The following ATP10D variants were observed in gnomAD, a reference collection of about 807,000 sequenced individuals.
ATP10D encodes ATPase phospholipid transporting 10D (putative), also known as phospholipid-transporting ATPase VD.
ATP10D carries 89 observed loss-of-function variants against 144.8 expected under a neutral mutation model. The ratio of observed to expected loss-of-function variants is 0.61; its 90% CI spans 0.52 to 0.73. ATP10D has a LOEUF of 0.73. Among genes scored for constraint, ATP10D ranks in the 30% least tolerant of loss-of-function variants. The pLI, the probability that ATP10D is intolerant of heterozygous loss-of-function variation, is 0.00. For synonymous variants in ATP10D, 571 were observed against 615.1 expected, an observed-to-expected ratio of 0.93 and a Z score of 1.06; for missense variants, 1,603 against 1,714.8, an observed-to-expected ratio of 0.93 and a Z score of 1.15.
chr4:47,549,235 C>A (rs1718601663), intron 10 of ATP10D, among the ~76,000 whole-genome samples: 1 of 152,238 alleles, frequency 6.6e-6, no homozygotes, highest in African/African-American at 2.4e-5. Flanking sequence ...ATGCTCTTCT[C>A]TTAGATCTTT....
At chr4:47,541,828 TC>T (rs1445767570) in intron 9 of ATP10D, among the ~76,000 whole-genome samples, 1 of 152,084 alleles carries the variant, frequency 6.6e-6, no homozygotes, top group Admixed American at 6.5e-5. Context: ...AAAAGACAGA[TC>T]GGGGATTAAA....
At chr4:47,582,651 T>C (rs1720579106) in intron 21 of ATP10D, among the ~76,000 whole-genome samples, 1 of 152,174 alleles carries the variant, frequency 6.6e-6, no homozygotes, top group Non-Finnish European at 1.5e-5. Flanking sequence ...CACATCAGGA[T>C]CTTGGCACTT....
chr4:47,533,411 G>A (rs1717671547), intron 5 of ATP10D, among the ~76,000 whole-genome samples: 1 of 152,112 alleles, frequency 6.6e-6, no homozygotes, highest in African/African-American at 2.4e-5. Context: ...AGAAGAAAGT[G>A]CTTTACAATG....
chr4:47,533,541 A>T (rs987414942), intron 5 of ATP10D, among the ~76,000 whole-genome samples: 4 of 152,158 alleles, frequency 2.6e-5, no homozygotes, highest in Non-Finnish European at 5.9e-5. Flanking sequence ...AACAACTTTT[A>T]TATATGTAAG....
chr4:47,531,584 G>A (rs9999398), intron 5 of ATP10D, among the ~76,000 whole-genome samples: 47,029 of 152,092 alleles, frequency 0.31, 7,800 homozygotes, highest in African/African-American at 0.4. Flanking sequence ...TATTAGAAAA[G>A]TCCTTCCATG....
intron 3 of ATP10D, among the ~76,000 whole-genome samples, chr4:47,516,974 T>G (rs1397900602): frequency 2.0e-5 from 3 of 152,164 alleles, no homozygotes; most frequent in Non-Finnish European, 4.4e-5. Flanking sequence ...CCTCAAAAAA[T>G]AGCTATAAGA....
rs1359279094 is a variant in ATP10D at position 47,536,010 on chromosome 4, T to C, written c.992T>C (p.Ile331Thr). The change falls in exon 7 of 23, where the codon ATA becomes ACA. Residue 331 changes from isoleucine to threonine, a missense_variant. Transcript: ENST00000273859. ...DVLWCVMLLV[I>T]MCLTGAVGHG... ...CTCTGGTGTGTCATGCTTCTGGTCA[T>C]AATGTGCTTAACTGGCGCAGTAGGT... 1.2e-6 allele frequency: 2 copies of C among 1,612,358 alleles called. No individual in the cohort carries two copies. The highest frequency in any genetic ancestry group is 2.2e-5 in the East Asian group (1 of 44,850).
intron 2 of ATP10D, among the ~76,000 whole-genome samples, chr4:47,514,369 T>C (rs1716517608): frequency 6.6e-6 from 1 of 152,112 alleles, no homozygotes; most frequent in Non-Finnish European, 1.5e-5. Context: ...GAGCTATAGG[T>C]TTAGATGTGG....
intron 1 of ATP10D, among the ~76,000 whole-genome samples, chr4:47,493,388 C>T (rs890024982): frequency 6.6e-6 from 1 of 152,164 alleles, no homozygotes; most frequent in Non-Finnish European, 1.5e-5. Flanking sequence ...CCCATACAAC[C>T]ATTCTGTCTT....
At chr4:47,492,394 G>A (rs1185296151) in intron 1 of ATP10D, among the ~76,000 whole-genome samples, 1 of 152,202 alleles carries the variant, frequency 6.6e-6, no homozygotes, top group Non-Finnish European at 1.5e-5. Context: ...GTAGTGTGAT[G>A]TGTAGGTACC....
At chr4:47,529,104 C>T (rs982070213) in intron 5 of ATP10D, among the ~76,000 whole-genome samples, 1 of 152,004 alleles carries the variant, frequency 6.6e-6, no homozygotes, top group Non-Finnish European at 1.5e-5. Context: ...TGTTTACTCT[C>T]TTGATTGTTT....
At chr4:47,535,173 G>A (rs1317335424) in intron 5 of ATP10D, among the ~76,000 whole-genome samples, 6 of 151,964 alleles carry the variant, frequency 3.9e-5, no homozygotes, top group Admixed American at 6.6e-5. Context: ...GAAGGTGGAT[G>A]GTAAGAGGAG....
intron 15 of ATP10D, among the ~76,000 whole-genome samples, chr4:47,566,863 C>T (rs1197895864): frequency 6.6e-6 from 1 of 152,180 alleles, no homozygotes; most frequent in East Asian, 1.9e-4. Flanking sequence ...GCATTGCCAA[C>T]AGACTGTAAC....
intron 14 of ATP10D, among the ~76,000 whole-genome samples, 157 bp downstream of exon 14, chr4:47,561,232 A>G (rs997696458): frequency 7.9e-5 from 12 of 152,170 alleles, no homozygotes; most frequent in African/African-American, 2.9e-4. Flanking sequence ...AATCCATTCT[A>G]TTCTGTTGTC....
At chr4:47,589,827 T>C (rs554889734) in intron 22 of ATP10D, among the ~76,000 whole-genome samples, 6 of 152,302 alleles carry the variant, frequency 3.9e-5, no homozygotes, top group Admixed American at 1.3e-4. Flanking sequence ...TATAAATTTG[T>C]GTATCCATTG....
chr4:47,498,043 C>G (rs1715486831), intron 1 of ATP10D, among the ~76,000 whole-genome samples: 1 of 152,206 alleles, frequency 6.6e-6, no homozygotes, highest in African/African-American at 2.4e-5. Flanking sequence ...GTCTTACGTA[C>G]ATTCCCATTA....
At chr4:47,536,370 G>T in intron 7 of ATP10D, 67 bp from the exon 8 acceptor site, 1 of 1,567,510 alleles carries the variant, frequency 6.4e-7, no homozygotes, top group Non-Finnish European at 8.7e-7. Flanking sequence ...TCTCCTTTAG[G>T]AATAAAATTT....
At chr4:47,585,811 G>T (rs1013127835) in intron 21 of ATP10D, among the ~76,000 whole-genome samples, 2 of 152,132 alleles carry the variant, frequency 1.3e-5, no homozygotes, top group Non-Finnish European at 2.9e-5. Context: ...CCATGTTGTT[G>T]TAAGTGATAG....
intron 1 of ATP10D, among the ~76,000 whole-genome samples, chr4:47,486,709 T>G (rs916993209): frequency 1.3e-5 from 2 of 152,240 alleles, no homozygotes; most frequent in Non-Finnish European, 2.9e-5. Context: ...TACATTGAGA[T>G]AGTTTATTTT....
Sources: gnomAD v4.1 joint callset for allele counts (sites outside exome capture counted in the v4.1 genomes callset) on GRCh38, gnomAD v4.1.1 for gene constraint, MANE v1.5 for transcripts, NCBI Gene and HGNC (gene_info 2026-07-23, HGNC 2026-07-21) for gene names.